SLCO6A1: variants seen among roughly 807,000 people sequenced by gnomAD.
The protein encoded by SLCO6A1 is cancer/testis antigen 48.
In SLCO6A1, 65 loss-of-function variants were observed where a neutral mutation model predicts 72.7. The observed-to-expected ratio is 0.89, with a 90% CI of 0.73 to 1.10. SLCO6A1 has a LOEUF of 1.10. Ranked by LOEUF, SLCO6A1 falls within the 50% of genes least tolerant of loss-of-function variation. SLCO6A1 has a pLI of 0.00. For synonymous variants in SLCO6A1, 314 were observed against 298.2 expected, an observed-to-expected ratio of 1.05 and a Z score of -0.55; for missense variants, 874 against 872.6, an observed-to-expected ratio of 1.00 and a Z score of -0.02.
At chr5:102,454,515 G>T (rs941458680) in intron 6 of SLCO6A1, among the ~76,000 whole-genome samples, 2 of 152,128 alleles carry the variant, frequency 1.3e-5, no homozygotes, top group South Asian at 2.1e-4. Flanking sequence ...ACTTCAAAAA[G>T]AAATCAGATA....
rs1747827854 is a variant in SLCO6A1 at position 102,409,115 on chromosome 5, T to C, written c.1626+3875A>G. ...AGAAATTTGAAGATCTTTGGAAGCATGGATAAGAAGAATACGTGTGGTTCT... is the reference window on the plus strand; with the variant it reads ...AGAAATTTGAAGATCTTTGGAAGCACGGATAAGAAGAATACGTGTGGTTCT... On this transcript the variant is annotated intron_variant, in intron 9 of 13. Coordinates refer to ENST00000506729, the MANE Select transcript of SLCO6A1 (RefSeq NM_173488.5). 3.3e-5 allele frequency among the ~76,000 whole-genome samples: 5 copies of C among 152,258 alleles called. No homozygotes were observed. The South Asian group carries it at 1.0e-3, about 32-fold the overall frequency.
intron 12 of SLCO6A1, among the ~76,000 whole-genome samples, chr5:102,385,794 G>A (rs996239984): frequency 6.9e-6 from 1 of 145,394 alleles, no homozygotes; most frequent in African/African-American, 2.5e-5. Flanking sequence ...GTGTCAGGCA[G>A]TTCACAAGTC....
chr5:102,371,979 A>C lies in SLCO6A1; in HGVS notation c.*160T>G, dbSNP rs950087032. 6.6e-6 allele frequency: 1 copy of C among 152,044 alleles called. No homozygotes were observed. Among genetic ancestry groups the C allele is most frequent in the Non-Finnish European group, 1.5e-5 (1 of 67,920 alleles). 9.4% of individuals were successfully genotyped at this position (152,044 alleles called of 1,614,324 possible). A position where few individuals can be genotyped will look rare whatever the true frequency, so the allele number is the denominator to read the frequency against. ...ATAGGACACTTTATTATGAAAATGC[A>C]GATCACCATAAATATATTTTTGCTA... is the stretch of plus-strand genomic sequence containing the variant. On this transcript the variant is annotated 3_prime_UTR_variant, in exon 14 of 14. Coordinates refer to ENST00000506729, the MANE Select transcript of SLCO6A1 (RefSeq NM_173488.5).
At chr5:102,491,621 G>A (rs1752681036) in intron 1 of SLCO6A1, among the ~76,000 whole-genome samples, 1 of 152,260 alleles carries the variant, frequency 6.6e-6, no homozygotes, top group African/African-American at 2.4e-5. Flanking sequence ...GGGGCCTGCG[G>A]GTGGCCCGGT....
intron 8 of SLCO6A1, among the ~76,000 whole-genome samples, chr5:102,418,157 C>A (rs1226807405): frequency 6.6e-6 from 1 of 151,652 alleles, no homozygotes; most frequent in Non-Finnish European, 1.5e-5. Flanking sequence ...TAAAAATATG[C>A]CATTACCCTT....
chr5:102,431,377 T>C (rs190174459), intron 7 of SLCO6A1, among the ~76,000 whole-genome samples: 1 of 152,254 alleles, frequency 6.6e-6, no homozygotes, highest in Admixed American at 6.5e-5. Context: ...TTCTAACTTT[T>C]TGATGTGAGC....
chr5:102,419,748 G>A, intron 8 of SLCO6A1, 78 bp downstream of exon 8: 1 of 1,121,060 alleles, frequency 8.9e-7, no homozygotes, highest in East Asian at 2.6e-5. Flanking sequence ...AGGGTTACTG[G>A]ATAGATAATT....
At chr5:102,497,420 C>G (rs184597456) in intron 1 of SLCO6A1, among the ~76,000 whole-genome samples, 1 of 152,160 alleles carries the variant, frequency 6.6e-6, no homozygotes, top group East Asian at 1.9e-4. Flanking sequence ...CCCAGAACTT[C>G]TCAGAGTTGG....
chr5:102,393,202 T>A (rs1483096737), intron 10 of SLCO6A1, among the ~76,000 whole-genome samples: 1 of 152,150 alleles, frequency 6.6e-6, no homozygotes, highest in Non-Finnish European at 1.5e-5. Flanking sequence ...AGAACGAAAG[T>A]GATATTTTAA....
At chr5:102,435,546 A>G (rs752702987) in intron 7 of SLCO6A1, among the ~76,000 whole-genome samples, 1 of 152,178 alleles carries the variant, frequency 6.6e-6, no homozygotes, top group Admixed American at 6.5e-5. Context: ...TAAGAAATGC[A>G]GTATTTCCAT....
In SLCO6A1 at chr5:102,409,218, T is replaced by C. The variant is rs186022217; in HGVS notation, c.1626+3772A>G. On this transcript the variant is annotated intron_variant, in intron 9 of 13. Coordinates refer to ENST00000506729, the MANE Select transcript of SLCO6A1 (RefSeq NM_173488.5). Reference sequence around the variant, plus strand: ...TTTTCAGTTTTAGTACAGCTGTACTTTTCTAGAGAAACCTAAAAATCGTTA... The same window carrying C: ...TTTTCAGTTTTAGTACAGCTGTACTCTTCTAGAGAAACCTAAAAATCGTTA... Among the ~76,000 whole-genome samples, 14 of 152,248 alleles carry C rather than the reference T, an allele frequency of 9.2e-5. No homozygotes were observed. In the East Asian group the frequency reaches 2.7e-3, roughly 29 times the overall value.
chr5:102,417,264 T>G (rs931778564), intron 8 of SLCO6A1, among the ~76,000 whole-genome samples: 1 of 152,174 alleles, frequency 6.6e-6, no homozygotes, highest in South Asian at 2.1e-4. Context: ...ACAGCATATA[T>G]AGTTGGGTCT....
At chr5:102,384,774 A>C (rs1746313841) in intron 12 of SLCO6A1, among the ~76,000 whole-genome samples, 1 of 152,054 alleles carries the variant, frequency 6.6e-6, no homozygotes, top group Non-Finnish European at 1.5e-5. Flanking sequence ...AAATTTGACT[A>C]TGTATTTGAC....
chr5:102,458,331 A>G, intron 6 of SLCO6A1, 51 bp downstream of exon 6: 1 of 1,351,062 alleles, frequency 7.4e-7, no homozygotes, highest in Non-Finnish European at 1.0e-6. Flanking sequence ...TTATTAGAAA[A>G]TTAAACAGGT....
chr5:102,420,325 G>A (rs1242870435), intron 7 of SLCO6A1, among the ~76,000 whole-genome samples: 1 of 152,166 alleles, frequency 6.6e-6, no homozygotes, highest in Non-Finnish European at 1.5e-5. Context: ...AATGGAAGAC[G>A]AGAGCTGTCT....
intron 4 of SLCO6A1, among the ~76,000 whole-genome samples, chr5:102,470,971 CAG>C (rs1214250917): frequency 6.6e-6 from 1 of 152,000 alleles, no homozygotes; most frequent in African/African-American, 2.4e-5. Flanking sequence ...GTCATGTGGA[CAG>C]ACTCAGGACC....
At position 102,477,855 on chromosome 5, in the gene SLCO6A1, C is replaced by T. The variant is rs1164083617; in HGVS notation, c.623G>A (p.Cys208Tyr). 2.5e-6 allele frequency: 4 copies of T among 1,591,350 alleles called. No individual in the cohort carries two copies. The Admixed American group carries it at 7.1e-5, about 28-fold the overall frequency. ...KQSKVGIEDI[C>Y]EEIKVVSGCQ... ...ACCACTGACAACCTTTATTTCTTCG[C>T]AAATATCTTTTGAAAATACAATGAT... The change falls in exon 3 of 14, where the codon TGC becomes TAC. Residue 208 changes from cysteine to tyrosine, a missense_variant. Cys to Tyr is a radical substitution (Grantham distance 194, BLOSUM62 -2). Transcript: ENST00000506729.
At chr5:102,488,781 A>G (rs1418873238) in intron 1 of SLCO6A1, among the ~76,000 whole-genome samples, 3 of 152,234 alleles carry the variant, frequency 2.0e-5, no homozygotes, top group Admixed American at 6.5e-5. Context: ...ATTTAGTCAC[A>G]TCAGAGAAAA....
chr5:102,396,544 T>G (rs910199871), intron 10 of SLCO6A1, among the ~76,000 whole-genome samples: 1 of 152,168 alleles, frequency 6.6e-6, no homozygotes, highest in African/African-American at 2.4e-5. Context: ...AAATTATAAA[T>G]TAACTTAAGG....
Sources: gnomAD v4.1 joint callset for allele counts (sites outside exome capture counted in the v4.1 genomes callset) on GRCh38, gnomAD v4.1.1 for gene constraint, MANE v1.5 for transcripts, NCBI Gene and HGNC (gene_info 2026-07-23, HGNC 2026-07-21) for gene names.